Variants in TPO observed in about 807,000 individuals in gnomAD.
The protein encoded by TPO is thyroid microsomal antigen.
In TPO, 78 loss-of-function variants were observed where a neutral mutation model predicts 96.9. The ratio of observed to expected loss-of-function variants is 0.81; its 90% confidence interval spans 0.67 to 0.97. The LOEUF is 0.97. TPO is among the 50% of genes least tolerant of loss of function. The pLI, the probability that TPO is intolerant of heterozygous loss-of-function variation, is 0.00. For missense variants in TPO, 1,252 were observed against 1,274.8 expected, an observed-to-expected ratio of 0.98 and a Z score of 0.27; for synonymous variants, 547 against 538.0, an observed-to-expected ratio of 1.02 and a Z score of -0.23.
chr2:1,466,229 C>G (rs1558319270), intron 7 of TPO, among the ~76,000 whole-genome samples: 5 of 152,168 alleles, frequency 3.3e-5, no homozygotes, highest in Admixed American at 1.3e-4. Context: ...CCCTGCATCC[C>G]TGGTATGAAA....
intron 4 of TPO, among the ~76,000 whole-genome samples, chr2:1,436,037 A>AC (rs1287533070): frequency 6.6e-6 from 1 of 152,066 alleles, no homozygotes; most frequent in Non-Finnish European, 1.5e-5. Flanking sequence ...AAATTTTAAA[A>AC]CCCCCACATT....
chr2:1,537,833 CTCAAAT>C (rs1680186933), intron 15 of TPO, among the ~76,000 whole-genome samples: 1 of 85,526 alleles, frequency 1.2e-5, no homozygotes, highest in Admixed American at 1.2e-4. Context: ...GAGCAACCTC[CTCAAAT>C]CCCCCCACTG....
At position 1,477,736 on chromosome 2, in the gene TPO, C is replaced by T. The variant is rs1670121004; in HGVS notation, c.1338+132C>T. ...CATCATGGGCGCCCACATGGGTGAGCTCCAGGTCGTGGGGCCCTGTGTGGG... is the reference window on the plus strand; with the variant it reads ...CATCATGGGCGCCCACATGGGTGAGTTCCAGGTCGTGGGGCCCTGTGTGGG... On this transcript the variant is annotated intron_variant, in intron 8 of 16. Transcript: ENST00000329066. The T allele has an allele frequency of 2.2e-6, 3 of 1,370,666 alleles. No homozygotes were observed. In the East Asian group the frequency reaches 8.8e-5, roughly 40 times the overall value. 84.9% of individuals were successfully genotyped at this position (1,370,666 alleles called of 1,614,324 possible). A position where few individuals can be genotyped will look rare whatever the true frequency, so the allele number is the denominator to read the frequency against.
At chr2:1,460,405 A>C (rs1668317081) in intron 7 of TPO, among the ~76,000 whole-genome samples, 1 of 152,152 alleles carries the variant, frequency 6.6e-6, no homozygotes, top group Admixed American at 6.5e-5. Flanking sequence ...AAAATGACTG[A>C]GTTATGCAGC....
At chr2:1,456,417 G>A in intron 7 of TPO, 135 bp downstream of exon 7, 1 of 933,046 alleles carries the variant, frequency 1.1e-6, no homozygotes, top group Non-Finnish European at 1.6e-6. Flanking sequence ...GTGAATATCT[G>A]GTGCATCTCA....
intron 3 of TPO, among the ~76,000 whole-genome samples, chr2:1,425,452 G>A (rs191372805): frequency 2.0e-5 from 3 of 151,208 alleles, no homozygotes; most frequent in South Asian, 2.1e-4. Context: ...TCTAGATACC[G>A]GGATACAGAG....
chr2:1,540,033 A>C (rs995061528), intron 15 of TPO, among the ~76,000 whole-genome samples: 2 of 152,166 alleles, frequency 1.3e-5, no homozygotes, highest in Non-Finnish European at 2.9e-5. Flanking sequence ...CCTCCTCAAA[A>C]GGTCCCAGCC....
chr2:1,542,734 T>TTTATTTTGTGAACCCTGGAAA lies in TPO; in HGVS notation c.*261_*281dup, dbSNP rs1680899692. On this transcript the variant is annotated 3_prime_UTR_variant, in exon 17 of 17. Coordinates refer to ENST00000329066, the MANE Select transcript of TPO (RefSeq NM_001206744.2). ...AAAATGTATTTACAGATTACACATC[T>TTTATTTTGTGAACCCTGGAAA]TTATTTTGTGAACCCTGGAAACACC... The TTTATTTTGTGAACCCTGGAAA allele has an allele frequency of 1.9e-6, 2 of 1,048,016 alleles. No individual in the cohort carries two copies. The highest frequency in any genetic ancestry group is 1.4e-6 in the Non-Finnish European group (1 of 736,990). 64.9% of individuals were successfully genotyped at this position (1,048,016 alleles called of 1,614,324 possible). A position where few individuals can be genotyped will look rare whatever the true frequency, so the allele number is the denominator to read the frequency against.
upstream of TPO, among the ~76,000 whole-genome samples, chr2:1,410,364 A>G (rs948053331): frequency 6.6e-6 from 1 of 152,248 alleles, no homozygotes; most frequent in African/African-American, 2.4e-5. Context: ...CAAGGCAGTC[A>G]GGCCCTGGCC....
intron 2 of TPO, among the ~76,000 whole-genome samples, chr2:1,418,049 G>A (rs13035669): frequency 0.15 from 22,094 of 151,926 alleles, 1,767 homozygotes; most frequent in African/African-American, 0.2. Context: ...TTGGGAGGCC[G>A]AGGCGGGAAG....
intron 7 of TPO, 39 bp from the exon 8 acceptor site, chr2:1,477,047 G>C (rs563236975): frequency 6.3e-7 from 1 of 1,587,732 alleles, no homozygotes; most frequent in Non-Finnish European, 8.5e-7. Flanking sequence ...AAGGGTGCAC[G>C]GGGGCCCTGG....
chr2:1,506,926 T>A (rs1230936181), intron 14 of TPO, among the ~76,000 whole-genome samples: 1 of 152,084 alleles, frequency 6.6e-6, no homozygotes, highest in Non-Finnish European at 1.5e-5. Flanking sequence ...TTGTTGCCAT[T>A]GCTTTTGGTG....
chr2:1,440,111 G>A (rs111844030), intron 5 of TPO, among the ~76,000 whole-genome samples: 9 of 151,606 alleles, frequency 5.9e-5, no homozygotes, highest in East Asian at 3.9e-4. Flanking sequence ...ACTGTGCTGC[G>A]TTTCCAATGT....
chr2:1,541,973 A>G (rs1397033181), intron 16 of TPO: 1 of 206,572 alleles, frequency 4.8e-6, no homozygotes, highest in South Asian at 9.4e-5. Context: ...GCATGGAACC[A>G]AAAGGACCTG....
chr2:1,495,869 G>A (rs949334974), intron 11 of TPO, 120 bp from the exon 12 acceptor site: 4 of 1,154,582 alleles, frequency 3.5e-6, no homozygotes, highest in Non-Finnish European at 5.0e-6. Context: ...GGGTGCTGGG[G>A]GTCTGGGCAG....
In TPO at chr2:1,414,432, T is replaced by C; in HGVS notation, c.24T>C (p.Ser8=). Residue 8 remains serine (S), a synonymous_variant, in exon 2 of 17, where the codon TCT becomes TCC. Transcript: ENST00000329066. ...GAATGAGAGCGCTCGCTGTGCTGTC[T>C]GTCACGCTGGTTATGGCCTGCACAG... is the stretch of plus-strand genomic sequence containing the variant. MRALAVL[S]VTLVMACTEA... The C allele has an allele frequency of 1.2e-6, 2 of 1,613,984 alleles. No individual in the cohort carries two copies. The highest frequency in any genetic ancestry group is 1.7e-6 in the Non-Finnish European group (2 of 1,179,920).
At chr2:1,457,710 T>G (rs1667967538) in intron 7 of TPO, among the ~76,000 whole-genome samples, 1 of 151,978 alleles carries the variant, frequency 6.6e-6, no homozygotes, top group African/African-American at 2.4e-5. Flanking sequence ...ACATAGCATG[T>G]ATGATACTGT....
At chr2:1,532,987 TCCCACTGTGTGCAACCTCCTCTAGTCC>T (rs762114711) in intron 15 of TPO, among the ~76,000 whole-genome samples, 816 of 15,620 alleles carry the variant, frequency 0.052, 5 homozygotes, top group Non-Finnish European at 0.062. Flanking sequence ...CCCAAATCCC[TCCCACTGTGTGCAACCTCCTCTAGTCC>T]CCCACTGTGT....
At chr2:1,442,649 T>C (rs1000523691) in intron 5 of TPO, among the ~76,000 whole-genome samples, 3 of 152,196 alleles carry the variant, frequency 2.0e-5, no homozygotes, top group Non-Finnish European at 4.4e-5. Context: ...ACATTGTATT[T>C]TGAAATAGAA....
Sources: allele counts gnomAD v4.1 joint callset (sites outside exome capture counted in the v4.1 genomes callset), GRCh38; gene constraint gnomAD v4.1.1; transcripts MANE v1.5; gene names NCBI Gene and HGNC (gene_info 2026-07-23, HGNC 2026-07-21).